The following POU1F1 variants were observed in gnomAD, a reference collection of about 807,000 sequenced individuals.
The protein encoded by POU1F1 is POU class 1 homeobox 1, also known as pituitary-specific positive transcription factor 1.
Under a neutral mutation model 32.3 loss-of-function variants are expected in POU1F1, and 23 were observed. The ratio of observed to expected loss-of-function variants is 0.71; its 90% confidence interval spans 0.51 to 1.01. The LOEUF (loss-of-function observed/expected upper bound fraction) is 1.01, where lower values mean the gene tolerates loss of function less well. Among genes scored for constraint, POU1F1 ranks in the 50% least tolerant of loss-of-function variants. The probability of loss-of-function intolerance (pLI) is 0.00; values close to 1 mark genes in which losing one functional copy is unlikely to be tolerated. For missense variants in POU1F1, 323 were observed against 341.6 expected (o/e 0.95, Z 0.43); for synonymous variants, 120 against 115.6 (o/e 1.04, Z -0.25).
rs532955346 is a variant in POU1F1 at position 87,270,073 on chromosome 3, G to A, written c.214+3274C>T. ...TTTGTTTTGTTTTGTGTTTATCTAG[G>A]AGAGACTTTGAACAGCATCTGTAAT... is the stretch of plus-strand genomic sequence containing the variant. On this transcript the variant is annotated intron_variant, in intron 2 of 5. Transcript: ENST00000350375. Among the ~76,000 whole-genome samples the A allele has an allele frequency of 1.4e-4, 21 of 152,180 alleles. No homozygotes were observed. In the Middle Eastern group the frequency reaches 0.01, roughly 74 times the overall value.
At chr3:87,275,069 C>T (rs137905342) in intron 1 of POU1F1, among the ~76,000 whole-genome samples, 44 of 151,914 alleles carry the variant, frequency 2.9e-4, no homozygotes, top group Non-Finnish European at 5.9e-4. Flanking sequence ...ATAGGATGAC[C>T]TACTATTTAA....
intron 2 of POU1F1, among the ~76,000 whole-genome samples, chr3:87,270,592 T>C (rs1236692609): frequency 1.3e-5 from 2 of 152,200 alleles, no homozygotes; most frequent in African/African-American, 2.4e-5. Context: ...ATTTTAGAAA[T>C]ATAGTTCTTC....
chr3:87,259,885 A>C lies in POU1F1; in HGVS notation c.*9T>G. 6.2e-7 allele frequency: 1 copy of C among 1,607,254 alleles called. No homozygotes were observed. Among genetic ancestry groups the C allele is most frequent in the Non-Finnish European group, 8.5e-7 (1 of 1,173,878 alleles). On this transcript the variant is annotated 3_prime_UTR_variant, in exon 6 of 6. Transcript: ENST00000350375. The stretch of plus-strand genomic sequence containing the variant: ...CGGGAGAAAAAGGCTATTATACAAT[A>C]GAAAAATCTTATCTGCACTCAAGAT...
At chr3:87,264,735 A>G (rs1706585249) in intron 2 of POU1F1, among the ~76,000 whole-genome samples, 1 of 152,132 alleles carries the variant, frequency 6.6e-6, no homozygotes, top group East Asian at 1.9e-4. Context: ...AACCAAAGAT[A>G]GGGTTAAAGG....
intron 2 of POU1F1, among the ~76,000 whole-genome samples, chr3:87,271,917 G>C (rs190974152): frequency 7.0e-4 from 107 of 152,148 alleles, no homozygotes; most frequent in African/African-American, 2.4e-3. Context: ...GAATGTAGGA[G>C]AAGCTCATAT....
At chr3:87,270,410 T>C (rs1302099571) in intron 2 of POU1F1, among the ~76,000 whole-genome samples, 1 of 152,160 alleles carries the variant, frequency 6.6e-6, no homozygotes, top group Non-Finnish European at 1.5e-5. Flanking sequence ...CCTGGACTAT[T>C]ACGTACAGTG....
chr3:87,268,336 ACCT>A (rs1262472915), intron 2 of POU1F1, among the ~76,000 whole-genome samples: 2 of 151,938 alleles, frequency 1.3e-5, no homozygotes, highest in African/African-American at 2.4e-5. Flanking sequence ...CGGACTCCTG[ACCT>A]CAGGTGATCT....
At chr3:87,269,348 T>C (rs1019590946) in intron 2 of POU1F1, among the ~76,000 whole-genome samples, 1 of 152,092 alleles carries the variant, frequency 6.6e-6, no homozygotes, top group Non-Finnish European at 1.5e-5. Context: ...GGTTGAGATA[T>C]TTACTGTCTG....
At chr3:87,275,237 T>A (rs1706804740) in intron 1 of POU1F1, among the ~76,000 whole-genome samples, 1 of 152,032 alleles carries the variant, frequency 6.6e-6, no homozygotes, top group African/African-American at 2.4e-5. Flanking sequence ...TGAAATTTAA[T>A]TTAAAAGGTA....
rs900192056 is a variant in POU1F1 at position 87,262,253 on chromosome 3, A to G, written c.440-18T>C. 2.5e-6 allele frequency: 4 copies of G among 1,613,646 alleles called. No individual in the cohort carries two copies. Among genetic ancestry groups the G allele is most frequent in the Non-Finnish European group, 8.5e-7 (1 of 1,179,794 alleles). On this transcript the variant is annotated intron_variant, in intron 3 of 5. Transcript: ENST00000350375. The stretch of plus-strand genomic sequence containing the variant: ...GGTGTATCCTGTGAAGGGACAATAA[A>G]GACCATCAGCTCCAACTTTCCAGGA...
At chr3:87,274,238 A>AT (rs1453405059) in intron 1 of POU1F1, among the ~76,000 whole-genome samples, 1 of 152,162 alleles carries the variant, frequency 6.6e-6, no homozygotes, top group Non-Finnish European at 1.5e-5. Flanking sequence ...ATCAATGTGT[A>AT]TTTTGGAAGT....
rs902875263 is a variant in POU1F1 at position 87,264,473 on chromosome 3, G to T, written c.254C>A (p.Thr85Asn). 12 of 1,612,528 alleles carry T rather than the reference G, an allele frequency of 7.4e-6. No homozygotes were observed. The highest frequency in any genetic ancestry group is 1.0e-5 in the Non-Finnish European group (12 of 1,178,758). ...TPCLYKFPDHTLSHGFPPIHQ... is the reference protein window; with the variant it reads ...TPCLYKFPDHNLSHGFPPIHQ... Reference sequence around the variant, plus strand: ...TATAGGAGGAAATCCATGACTCAAGGTGTGGTCAGGAAATTTATAAAGACA... The same window carrying T: ...TATAGGAGGAAATCCATGACTCAAGTTGTGGTCAGGAAATTTATAAAGACA... Residue 85 changes from threonine (T) to asparagine (N), a missense_variant, in exon 3 of 6, where the codon ACC becomes AAC. Thr to Asn is a moderately conservative substitution (Grantham distance 65). Coordinates refer to ENST00000350375, the MANE Select transcript of POU1F1 (RefSeq NM_000306.4).
At chr3:87,270,225 G>A (rs1282989897) in intron 2 of POU1F1, among the ~76,000 whole-genome samples, 1 of 152,100 alleles carries the variant, frequency 6.6e-6, no homozygotes, top group African/African-American at 2.4e-5. Context: ...AAATCATTTT[G>A]AGCTGACACA....
chr3:87,262,744 T>A (rs1488426318), intron 3 of POU1F1, among the ~76,000 whole-genome samples: 1 of 152,114 alleles, frequency 6.6e-6, no homozygotes, highest in Non-Finnish European at 1.5e-5. Flanking sequence ...AAACCATATT[T>A]ATTAAGAGGC....
intron 1 of POU1F1, 21 bp from the exon 2 acceptor site, chr3:87,273,439 A>G: frequency 1.1e-5 from 17 of 1,612,186 alleles, no homozygotes; most frequent in Non-Finnish European, 1.4e-5. Context: ...CAACGTTGTC[A>G]CCGAGAAATG....
At chr3:87,270,194 G>T (rs892953825) in intron 2 of POU1F1, among the ~76,000 whole-genome samples, 1 of 152,108 alleles carries the variant, frequency 6.6e-6, no homozygotes, top group Admixed American at 6.6e-5. Flanking sequence ...GCAAGAGTAC[G>T]TGAAGAGAAG....
intron 5 of POU1F1, among the ~76,000 whole-genome samples, chr3:87,260,455 G>C (rs1248354158): frequency 6.6e-6 from 1 of 152,104 alleles, no homozygotes; most frequent in Non-Finnish European, 1.5e-5. Flanking sequence ...ATCATTTAGG[G>C]CTGTTTACGA....
intron 2 of POU1F1, among the ~76,000 whole-genome samples, chr3:87,267,968 C>A (rs1282536575): frequency 1.3e-5 from 2 of 151,256 alleles, no homozygotes; most frequent in Non-Finnish European, 2.9e-5. Flanking sequence ...ACGCAGAAAA[C>A]AAATTTGAAT....
intron 2 of POU1F1, among the ~76,000 whole-genome samples, chr3:87,271,642 CG>C (rs1340803618): frequency 6.6e-6 from 1 of 152,116 alleles, no homozygotes; most frequent in African/African-American, 2.4e-5. Flanking sequence ...GCAATCCACC[CG>C]CACCTCCAGT....
Sources: allele counts gnomAD v4.1 joint callset (sites outside exome capture counted in the v4.1 genomes callset), GRCh38; gene constraint gnomAD v4.1.1; transcripts MANE v1.5; gene names NCBI Gene and HGNC (gene_info 2026-07-23, HGNC 2026-07-21).